Variants in NFIB observed in about 807,000 individuals in gnomAD.
NFIB encodes nuclear factor I B.
NFIB carries 11 observed loss-of-function variants against 61.5 expected under a neutral mutation model. That is an observed-to-expected ratio of 0.18 (90% CI 0.11 to 0.30). NFIB has a LOEUF of 0.30. NFIB is among the 10% of genes least tolerant of loss of function. The probability of loss-of-function intolerance (pLI) is 1.00; values close to 1 mark genes in which losing one functional copy is unlikely to be tolerated. For synonymous variants in NFIB, 260 were observed against 216.5 expected (o/e 1.20, Z -1.76); for missense variants, 471 against 608.9 (o/e 0.77, Z 2.38).
intron 1 of NFIB, among the ~76,000 whole-genome samples, chr9:14,375,868 A>G (rs116708098): frequency 6.6e-6 from 1 of 152,280 alleles, no homozygotes; most frequent in African/African-American, 2.4e-5. Flanking sequence ...TGTCATACTC[A>G]CATATAACAT....
At chr9:14,308,564 C>A (rs2060135903) in intron 1 of NFIB, among the ~76,000 whole-genome samples, 1 of 152,170 alleles carries the variant, frequency 6.6e-6, no homozygotes, top group Non-Finnish European at 1.5e-5. Flanking sequence ...CAACTTGGCA[C>A]CAACTTTACA....
the NFIB span, among the ~76,000 whole-genome samples, chr9:14,468,401 C>T: frequency 6.6e-6 from 1 of 152,206 alleles, no homozygotes; most frequent in Non-Finnish European, 1.5e-5. Context: ...GGGTCATTTC[C>T]AACATTTAGC....
In NFIB at chr9:14,313,693, A is replaced by G; in HGVS notation, c.-182T>C. 2 of 1,430,564 alleles carry G rather than the reference A, an allele frequency of 1.4e-6. No individual in the cohort carries two copies. Among genetic ancestry groups the G allele is most frequent in the East Asian group, 5.4e-5 (2 of 37,118 alleles). The allele number at this position is 1,430,564 out of a possible 1,614,324, so 88.6% of individuals were successfully genotyped here. On this transcript the variant is annotated 5_prime_UTR_variant, in exon 1 of 11. Transcript: ENST00000380953. This position sits in a 1 kb window ranked among gnomAD's most constrained non-coding sequence, Gnocchi z 4.5. ...TCCTCCTTAAATAGCCAAAGATTCA[A>G]GTTCACTCGGCGTGCTAGATTTCCA...
At chr9:14,435,800 G>A in the NFIB span, among the ~76,000 whole-genome samples, 1 of 152,216 alleles carries the variant, frequency 6.6e-6, no homozygotes, top group East Asian at 1.9e-4. Flanking sequence ...AAGGTGGGCA[G>A]ATCTGTTAAA....
At chr9:14,458,957 G>C in the NFIB span, among the ~76,000 whole-genome samples, 1 of 152,090 alleles carries the variant, frequency 6.6e-6, no homozygotes, top group Non-Finnish European at 1.5e-5. Flanking sequence ...GTAATTTATA[G>C]ATTCAATGCC....
chr9:14,506,808 T>C, the NFIB span, among the ~76,000 whole-genome samples: 5 of 152,274 alleles, frequency 3.3e-5, no homozygotes, highest in Admixed American at 1.3e-4. Context: ...AGCAGTTTTC[T>C]AGGAAGGTAG....
intron 1 of NFIB, among the ~76,000 whole-genome samples, chr9:14,395,140 G>A (rs1410518378): frequency 1.3e-5 from 2 of 151,970 alleles, no homozygotes; most frequent in Admixed American, 1.3e-4. Context: ...AGATGTCAGT[G>A]TATGCTGTGA....
intron 1 of NFIB, among the ~76,000 whole-genome samples, chr9:14,349,925 A>C (rs992216346): frequency 6.6e-6 from 1 of 152,128 alleles, no homozygotes; most frequent in African/African-American, 2.4e-5. Flanking sequence ...ACCGGTCCAC[A>C]GTGGCATTTC....
chr9:14,214,534 GA>G (rs2050650146), intron 2 of NFIB, among the ~76,000 whole-genome samples: 1 of 152,190 alleles, frequency 6.6e-6, no homozygotes, highest in African/African-American at 2.4e-5. Flanking sequence ...CAGCCTAACA[GA>G]AAAGTCACGC....
the NFIB span, among the ~76,000 whole-genome samples, chr9:14,453,799 T>C: frequency 1.3e-5 from 2 of 152,228 alleles, no homozygotes; most frequent in South Asian, 2.1e-4. Context: ...AAATACAATA[T>C]AGGCTGGGCA....
intron 1 of NFIB, among the ~76,000 whole-genome samples, chr9:14,385,809 G>C (rs957732252): frequency 6.7e-6 from 1 of 148,602 alleles, no homozygotes; most frequent in African/African-American, 2.5e-5. Context: ...TTGAAACAGA[G>C]TGTTTCTCTG....
intron 10 of NFIB, among the ~76,000 whole-genome samples, chr9:14,092,872 T>C (rs1587089036): frequency 3.9e-5 from 6 of 152,198 alleles, no homozygotes; most frequent in Admixed American, 3.9e-4. Context: ...CTGGATAAAC[T>C]GGGCAAAATA....
chr9:14,204,272 G>A, intron 2 of NFIB: 1 of 654,088 alleles, frequency 1.5e-6, no homozygotes, highest in Non-Finnish European at 2.7e-6. Context: ...GAAGGCCAAG[G>A]GGAAGAAGGT....
chr9:14,381,475 G>A (rs535744536), intron 1 of NFIB, among the ~76,000 whole-genome samples: 1 of 152,288 alleles, frequency 6.6e-6, no homozygotes, highest in African/African-American at 2.4e-5. Context: ...ACAGGTGTGA[G>A]CCACCACACT....
the NFIB span, among the ~76,000 whole-genome samples, chr9:14,425,906 T>G: frequency 6.6e-6 from 1 of 152,162 alleles, no homozygotes; most frequent in Non-Finnish European, 1.5e-5. Flanking sequence ...AGGGGGAACC[T>G]CACCTATGGA....
the NFIB span, among the ~76,000 whole-genome samples, chr9:14,456,209 A>AT: frequency 0.064 from 9,503 of 148,898 alleles, 304 homozygotes; most frequent in African/African-American, 0.079. Flanking sequence ...ACTACTTGGC[A>AT]TTTTTTTTTT....
intron 2 of NFIB, among the ~76,000 whole-genome samples, chr9:14,208,837 C>G (rs933837113): frequency 6.6e-6 from 1 of 152,064 alleles, no homozygotes; most frequent in South Asian, 2.1e-4. Context: ...TTAAATTCAT[C>G]TAGACCCACT....
At chr9:14,222,767 G>T (rs769885359) in intron 2 of NFIB, among the ~76,000 whole-genome samples, 6 of 111,292 alleles carry the variant, frequency 5.4e-5, no homozygotes, top group Non-Finnish European at 1.0e-4. Context: ...CTGCACTCCA[G>T]CCTGGGCAAC....
intron 3 of NFIB, among the ~76,000 whole-genome samples, chr9:14,170,419 A>G (rs1030779650): frequency 1.3e-5 from 2 of 152,114 alleles, no homozygotes; most frequent in African/African-American, 4.8e-5. Context: ...AGGTGGGAGG[A>G]TCACTTCAGC....
Sources: allele counts gnomAD v4.1 joint callset (sites outside exome capture counted in the v4.1 genomes callset), GRCh38; gene constraint gnomAD v4.1.1; non-coding constraint Gnocchi (gnomAD v3.1); transcripts MANE v1.5; gene names NCBI Gene and HGNC (gene_info 2026-07-23, HGNC 2026-07-21).